Variants in NOL10 observed in about 807,000 individuals in gnomAD.
NOL10 encodes the protein H_NH0074G24.1.
Under a neutral mutation model 103.5 loss-of-function variants are expected in NOL10, and 58 were observed. The ratio of observed to expected loss-of-function variants is 0.56; its 90% CI spans 0.45 to 0.70. The LOEUF (loss-of-function observed/expected upper bound fraction) is 0.70. Among genes scored for constraint, NOL10 ranks in the 30% least tolerant of loss-of-function variants. NOL10 has a pLI of 0.00. For synonymous variants in NOL10, 287 were observed against 282.5 expected (o/e 1.02, Z -0.16); for missense variants, 763 against 807.3 (o/e 0.95, Z 0.67).
chr2:10,643,510 T>C (rs769181990), intron 13 of NOL10, among the ~76,000 whole-genome samples: 6 of 152,162 alleles, frequency 3.9e-5, no homozygotes, highest in Non-Finnish European at 8.8e-5. Context: ...TTTTTTACTA[T>C]AAACTTAAAG....
chr2:10,647,345 T>A (rs1221058711), intron 12 of NOL10, among the ~76,000 whole-genome samples: 1 of 152,266 alleles, frequency 6.6e-6, no homozygotes, highest in East Asian at 1.9e-4. Context: ...TCAAAGTGTG[T>A]CCCCAGTGAC....
intron 3 of NOL10, among the ~76,000 whole-genome samples, chr2:10,680,202 G>A (rs996359213): frequency 2.6e-5 from 4 of 151,876 alleles, no homozygotes; most frequent in African/African-American, 7.3e-5. Flanking sequence ...GCTTGAACCC[G>A]GAAGGCGGAG....
intron 3 of NOL10, among the ~76,000 whole-genome samples, 157 bp downstream of exon 3, chr2:10,681,814 G>A (rs2148363495): frequency 6.6e-6 from 1 of 152,096 alleles, no homozygotes; most frequent in African/African-American, 2.4e-5. Flanking sequence ...AATTTAGGTA[G>A]TAGTTAAATG....
At chr2:10,683,161 G>A (rs1681902433) in intron 2 of NOL10, among the ~76,000 whole-genome samples, 2 of 152,038 alleles carry the variant, frequency 1.3e-5, no homozygotes, top group Non-Finnish European at 2.9e-5. Flanking sequence ...GCAGACAAGA[G>A]GAAACCCCTT....
In NOL10 at chr2:10,634,865, GT is replaced by G. The variant is rs1678096669; in HGVS notation, c.1026+9454del. Among the ~76,000 whole-genome samples the G allele has an allele frequency of 2.0e-5, 3 of 152,276 alleles. No individual in the cohort carries two copies. In the South Asian group the frequency reaches 6.2e-4, roughly 32 times the overall value. On this transcript the variant is annotated intron_variant, in intron 13 of 20. Transcript: ENST00000381685. ...GTTTTAAGGAGGCCTGGTCAACTGT[GT>G]TTCTAAATACCACTTGGAGATAAAG...
intron 19 of NOL10, among the ~76,000 whole-genome samples, chr2:10,583,025 A>G (rs1447913128): frequency 6.6e-6 from 1 of 152,172 alleles, no homozygotes; most frequent in African/African-American, 2.4e-5. Context: ...CCATCCGCAT[A>G]CTGGCCTTTT....
At chr2:10,672,327 T>A (rs949616762) in intron 5 of NOL10, among the ~76,000 whole-genome samples, 10 of 151,812 alleles carry the variant, frequency 6.6e-5, no homozygotes, top group African/African-American at 2.4e-4. Context: ...AACTCTTGTC[T>A]CAAAAAATAA....
intron 19 of NOL10, among the ~76,000 whole-genome samples, chr2:10,580,005 G>A (rs1013643332): frequency 5.9e-5 from 9 of 152,182 alleles, no homozygotes; most frequent in African/African-American, 2.2e-4. Context: ...GTTCTGTCTA[G>A]GCTATTTGGA....
chr2:10,617,292 T>A (rs1176630286), intron 13 of NOL10, among the ~76,000 whole-genome samples: 1 of 152,134 alleles, frequency 6.6e-6, no homozygotes, highest in Non-Finnish European at 1.5e-5. Flanking sequence ...GTGGCTTGAA[T>A]AGAGAGAGCA....
At chr2:10,673,385 TTTTG>T in intron 5 of NOL10, 131 bp downstream of exon 5, 1 of 486,394 alleles carries the variant, frequency 2.1e-6, no homozygotes, top group Non-Finnish European at 3.6e-6. Flanking sequence ...ACACAGCCAT[TTTTG>T]TTTAACAATA....
At chr2:10,575,765 G>C (rs916100419) in intron 20 of NOL10, among the ~76,000 whole-genome samples, 1 of 152,148 alleles carries the variant, frequency 6.6e-6, no homozygotes, top group Non-Finnish European at 1.5e-5. Flanking sequence ...GCAGACCTGG[G>C]ATCCTTCCAG....
intron 17 of NOL10, among the ~76,000 whole-genome samples, chr2:10,600,107 G>T (rs1239405514): frequency 3.3e-5 from 5 of 152,138 alleles, no homozygotes; most frequent in African/African-American, 1.2e-4. Context: ...GCAGAGATCA[G>T]TTCTTTCCAA....
intron 13 of NOL10, among the ~76,000 whole-genome samples, chr2:10,608,168 T>C (rs779467545): frequency 1.3e-5 from 2 of 152,228 alleles, no homozygotes; most frequent in Non-Finnish European, 2.9e-5. Context: ...TAATTTTTAC[T>C]TGCCATTTAA....
At chr2:10,622,666 C>G (rs1023137745) in intron 13 of NOL10, among the ~76,000 whole-genome samples, 1 of 152,130 alleles carries the variant, frequency 6.6e-6, no homozygotes, top group Non-Finnish European at 1.5e-5. Context: ...AGTGAGCACT[C>G]AAGTCAGTAC....
intron 3 of NOL10, among the ~76,000 whole-genome samples, chr2:10,676,512 A>T (rs1297911188): frequency 6.6e-6 from 1 of 152,224 alleles, no homozygotes; most frequent in Non-Finnish European, 1.5e-5. Context: ...GTAACCATTG[A>T]CATGGAAAGC....
At chr2:10,636,431 A>AAC (rs1678226082) in intron 13 of NOL10, among the ~76,000 whole-genome samples, 1 of 149,612 alleles carries the variant, frequency 6.7e-6, no homozygotes, top group Non-Finnish European at 1.5e-5. Flanking sequence ...AAAAAAAAAA[A>AAC]AAAAAAAAAA....
At position 10,681,966 on chromosome 2, in the gene NOL10, C is replaced by A; in HGVS notation, c.211+5G>T. On this transcript the variant is annotated splice_donor_5th_base_variant and intron_variant, in intron 3 of 20. Coordinates refer to ENST00000381685, the MANE Select transcript of NOL10 (RefSeq NM_024894.4). Reference sequence around the variant, plus strand: ...CATGAAAATCATAACCAAAAAGATGCTTACCAGTTGCTAAAATGTACTGTC... The same window carrying A: ...CATGAAAATCATAACCAAAAAGATGATTACCAGTTGCTAAAATGTACTGTC... 7.4e-7 allele frequency: 1 copy of A among 1,343,020 alleles called. No homozygotes were observed. The highest frequency in any genetic ancestry group is 9.9e-7 in the Non-Finnish European group (1 of 1,006,452). The allele number at this position is 1,343,020 out of a possible 1,614,324, so 83.2% of individuals were successfully genotyped here.
chr2:10,618,788 G>T (rs1676974901), intron 13 of NOL10, among the ~76,000 whole-genome samples: 1 of 152,154 alleles, frequency 6.6e-6, no homozygotes, highest in Admixed American at 6.5e-5. Context: ...GCACACCTCA[G>T]TTCTTTTCAA....
chr2:10,626,731 T>C (rs528232239), intron 13 of NOL10, among the ~76,000 whole-genome samples: 50 of 151,636 alleles, frequency 3.3e-4, no homozygotes, highest in Middle Eastern at 3.4e-3. Context: ...TTGGTCAACA[T>C]TGAAGTCAAA....
Sources: allele counts gnomAD v4.1 joint callset (sites outside exome capture counted in the v4.1 genomes callset), GRCh38; gene constraint gnomAD v4.1.1; transcripts MANE v1.5; gene names NCBI Gene and HGNC (gene_info 2026-07-23, HGNC 2026-07-21).